The following WASL variants were observed in gnomAD, a reference collection of about 807,000 sequenced individuals.
The protein encoded by WASL is actin nucleation-promoting factor WASL.
A neutral mutation model predicts 55.5 loss-of-function variants in WASL; 20 were observed. The observed-to-expected ratio is 0.36, with a 90% CI of 0.25 to 0.52. The LOEUF (loss-of-function observed/expected upper bound fraction) is 0.52, where lower values mean the gene tolerates loss of function less well. Ranked by LOEUF, WASL falls within the 20% of genes least tolerant of loss-of-function variation. WASL has a pLI of 0.92. For missense variants in WASL, 504 were observed against 622.5 expected (o/e 0.81, Z 2.03); for synonymous variants, 249 against 217.6 (o/e 1.14, Z -1.27).
chr7:123,720,840 T>C (rs570480541), intron 1 of WASL, among the ~76,000 whole-genome samples: 1 of 151,946 alleles, frequency 6.6e-6, no homozygotes, highest in African/African-American at 2.4e-5. Context: ...GTATTGGCTT[T>C]CCAAAAATTA....
intron 8 of WASL, 45 bp downstream of exon 8, chr7:123,694,670 A>G: frequency 6.2e-7 from 1 of 1,602,546 alleles, no homozygotes; most frequent in Non-Finnish European, 8.5e-7. Flanking sequence ...AACTGACCTC[A>G]AAAGATTAAA....
rs534521577 is a variant in WASL, at chr7:123,748,925, G to A, written c.-191C>T. 3.1e-5 allele frequency: 18 copies of A among 575,426 alleles called. No homozygotes were observed. Among genetic ancestry groups the A allele is most frequent in the Non-Finnish European group, 4.6e-5 (15 of 329,412 alleles). The allele number at this position is 575,426 out of a possible 1,614,324, so 35.6% of individuals were successfully genotyped here. ...TGACGGCGAGCCACCTTCGCGCCGC[G>A]CTGAGAAAGGGAAGCTCCCGGCACC... On this transcript the variant is annotated 5_prime_UTR_variant, in exon 1 of 11. Coordinates refer to ENST00000223023, the MANE Select transcript of WASL (RefSeq NM_003941.4).
intron 5 of WASL, among the ~76,000 whole-genome samples, chr7:123,698,207 C>A (rs1803522334): frequency 6.6e-6 from 1 of 152,098 alleles, no homozygotes; most frequent in South Asian, 2.1e-4. Context: ...TGAGGATGGT[C>A]TTGGGGATCC....
At position 123,704,714 on chromosome 7, in the gene WASL, T is replaced by TA. The variant is rs966941319; in HGVS notation, c.437-58dup. 1.2e-5 allele frequency: 14 copies of TA among 1,167,490 alleles called. No homozygotes were observed. In the African/African-American group the frequency reaches 1.8e-4, roughly 15 times the overall value. 72.3% of individuals were successfully genotyped at this position (1,167,490 alleles called of 1,614,324 possible). ...AAATATATGTAAGACAACATCAACA[T>TA]AAAAAAATTAATTCACTAAACTGTC... On this transcript the variant is annotated intron_variant, in intron 4 of 10. Transcript: ENST00000223023.
At chr7:123,705,449 G>A (rs1803654253) in intron 4 of WASL, among the ~76,000 whole-genome samples, 1 of 152,218 alleles carries the variant, frequency 6.6e-6, no homozygotes, top group Admixed American at 6.5e-5. Flanking sequence ...GACAGAGTCT[G>A]AAGGTCAGGG....
At chr7:123,723,150 G>A (rs1803981373) in intron 1 of WASL, among the ~76,000 whole-genome samples, 2 of 152,186 alleles carry the variant, frequency 1.3e-5, no homozygotes, top group South Asian at 4.1e-4. Context: ...CACTGGCATT[G>A]TATGCATTAT....
At chr7:123,696,999 T>A (rs1803503961) in intron 5 of WASL, among the ~76,000 whole-genome samples, 1 of 152,124 alleles carries the variant, frequency 6.6e-6, no homozygotes, top group Admixed American at 6.6e-5. Flanking sequence ...ATAAAGAATA[T>A]GAACTTCCAG....
chr7:123,722,514 T>A (rs960474298), intron 1 of WASL, among the ~76,000 whole-genome samples: 4 of 152,172 alleles, frequency 2.6e-5, no homozygotes, highest in Non-Finnish European at 5.9e-5. Context: ...AAAAAGGAGA[T>A]ATGTTTAGAA....
chr7:123,684,002 T>A lies in WASL; in HGVS notation c.*517A>T, dbSNP rs1803244750. The A allele has an allele frequency of 6.6e-6, 1 of 151,958 alleles. No homozygotes were observed. The highest frequency in any genetic ancestry group is 1.9e-4 in the East Asian group (1 of 5,188). 9.4% of individuals were successfully genotyped at this position (151,958 alleles called of 1,614,324 possible). A position where few individuals can be genotyped will look rare whatever the true frequency, so the allele number is the denominator to read the frequency against. Reference sequence around the variant, plus strand: ...TAAAATTTGAGAAACTACATCGGTGTAGTGATGTCTACAGAACTGTGCAAT... The same window carrying A: ...TAAAATTTGAGAAACTACATCGGTGAAGTGATGTCTACAGAACTGTGCAAT... On this transcript the variant is annotated 3_prime_UTR_variant, in exon 11 of 11. Coordinates refer to ENST00000223023, the MANE Select transcript of WASL (RefSeq NM_003941.4).
intron 5 of WASL, among the ~76,000 whole-genome samples, chr7:123,700,379 A>G (rs747814932): frequency 5.9e-5 from 9 of 152,022 alleles, no homozygotes; most frequent in Non-Finnish European, 2.9e-5. Context: ...GATTAGTGAC[A>G]GAAGCAAAAG....
At chr7:123,716,381 AATTTTTGT>A (rs982887310) in intron 1 of WASL, among the ~76,000 whole-genome samples, 3 of 151,932 alleles carry the variant, frequency 2.0e-5, no homozygotes, top group Non-Finnish European at 4.4e-5. Flanking sequence ...ATGCCCAGCT[AATTTTTGT>A]ATTTTTGTAG....
At chr7:123,710,541 T>G (rs1372463144) in intron 1 of WASL, among the ~76,000 whole-genome samples, 1 of 152,134 alleles carries the variant, frequency 6.6e-6, no homozygotes, top group East Asian at 1.9e-4. Context: ...AATTAGATAC[T>G]AAATTCAGAA....
chr7:123,713,094 T>A (rs1803784685), intron 1 of WASL, among the ~76,000 whole-genome samples: 1 of 149,382 alleles, frequency 6.7e-6, no homozygotes, highest in Middle Eastern at 3.2e-3. Context: ...TAATAATAAC[T>A]AAAATTATTT....
chr7:123,745,818 G>T (rs1287762867), intron 1 of WASL, among the ~76,000 whole-genome samples: 1 of 151,962 alleles, frequency 6.6e-6, no homozygotes, highest in East Asian at 1.9e-4. Flanking sequence ...CTTATTAGTA[G>T]GTCTCCTAAC....
chr7:123,703,319 C>T (rs535767969), intron 5 of WASL, among the ~76,000 whole-genome samples: 3 of 152,262 alleles, frequency 2.0e-5, no homozygotes, highest in Admixed American at 6.5e-5. Context: ...ATCTGTGCTT[C>T]GGTTTCCTTA....
rs145467133 is a variant in WASL at position 123,696,730 on chromosome 7, C to T, written c.478G>A (p.Ala160Thr). The change falls in exon 6 of 11, where the codon GCT becomes ACT. Residue 160 changes from alanine to threonine, a missense_variant. This residue lies in a region of WASL where 230 missense variants were observed against 271.9 expected (regional missense o/e 0.85). Coordinates refer to ENST00000223023, the MANE Select transcript of WASL (RefSeq NM_003941.4). The part of the protein sequence containing the change: ...DPPNGPNLPM[A>T]TVDIKNPEIT... ...TCTGGATTTTTTATATCAACTGTAG[C>T]CATGGGTAGATTAGGACCTGCAAAT... The T allele has an allele frequency of 6.3e-7, 1 of 1,583,598 alleles. No individual in the cohort carries two copies. The highest frequency in any genetic ancestry group is 1.7e-4 in the Middle Eastern group (1 of 5,962).
At chr7:123,708,394 T>A (rs1367088341) in intron 2 of WASL, among the ~76,000 whole-genome samples, 1 of 152,184 alleles carries the variant, frequency 6.6e-6, no homozygotes, top group Non-Finnish European at 1.5e-5. Context: ...TTTTTGTAAT[T>A]AAAATCTCAT....
chr7:123,729,163 C>T (rs1472283214), intron 1 of WASL, among the ~76,000 whole-genome samples: 1 of 151,914 alleles, frequency 6.6e-6, no homozygotes. Context: ...ACTTGTAAAT[C>T]AAAAGTGAAA....
chr7:123,718,149 T>G (rs944253735), intron 1 of WASL, among the ~76,000 whole-genome samples: 1 of 152,240 alleles, frequency 6.6e-6, no homozygotes, highest in African/African-American at 2.4e-5. Context: ...TGTCTAAATT[T>G]TGTGAAGTTT....
Sources: allele counts gnomAD v4.1 joint callset (sites outside exome capture counted in the v4.1 genomes callset), GRCh38; gene constraint gnomAD v4.1.1; regional missense constraint gnomAD v4.1.1; transcripts MANE v1.5; gene names NCBI Gene and HGNC (gene_info 2026-07-23, HGNC 2026-07-21).